ZNF536: variants seen among roughly 807,000 people sequenced by gnomAD.
ZNF536 encodes the protein zinc finger protein 536.
A neutral mutation model predicts 84.5 loss-of-function variants in ZNF536; 13 were observed. The ratio of observed to expected loss-of-function variants is 0.15; its 90% CI spans 0.10 to 0.24. The LOEUF (loss-of-function observed/expected upper bound fraction) is 0.24. Among genes scored for constraint, ZNF536 ranks in the 10% least tolerant of loss-of-function variants. The pLI, the probability that ZNF536 is intolerant of heterozygous loss-of-function variation, is 1.00. For synonymous variants in ZNF536, 811 were observed against 742.5 expected, an observed-to-expected ratio of 1.09 and a Z score of -1.50; for missense variants, 1,536 against 1,747.5, an observed-to-expected ratio of 0.88 and a Z score of 2.16.
intron 1 of ZNF536, among the ~76,000 whole-genome samples, chr19:30,611,441 T>C (rs1270709940): frequency 6.6e-6 from 1 of 152,216 alleles, no homozygotes; most frequent in Admixed American, 6.5e-5. Context: ...CTCTGTTCCA[T>C]TGATAAAGAC....
chr19:30,335,484 C>T (rs1385494307), intron 2 of ZNF536, among the ~76,000 whole-genome samples: 6 of 152,146 alleles, frequency 3.9e-5, no homozygotes, highest in Non-Finnish European at 5.9e-5. Flanking sequence ...ACGCCCACCC[C>T]TCTTCCCAGC....
intron 1 of ZNF536, among the ~76,000 whole-genome samples, chr19:30,407,339 C>A (rs2050301907): frequency 6.6e-6 from 1 of 152,128 alleles, no homozygotes; most frequent in Admixed American, 6.5e-5. Flanking sequence ...CATGATTTTC[C>A]TCTTCTCTCA....
intron 1 of ZNF536, among the ~76,000 whole-genome samples, chr19:30,269,345 G>A (rs1241319387): frequency 6.6e-6 from 1 of 152,172 alleles, no homozygotes; most frequent in Non-Finnish European, 1.5e-5. Context: ...CACTGGGCTG[G>A]TGCTCAACTG....
intron 1 of ZNF536, among the ~76,000 whole-genome samples, chr19:30,638,767 G>T (rs1259757552): frequency 6.6e-6 from 1 of 152,172 alleles, no homozygotes; most frequent in Non-Finnish European, 1.5e-5. Flanking sequence ...GTAGTCATGG[G>T]CCAGATTAGG....
intron 1 of ZNF536, among the ~76,000 whole-genome samples, chr19:30,265,357 C>G (rs1278976359): frequency 6.6e-6 from 1 of 152,194 alleles, no homozygotes; most frequent in East Asian, 1.9e-4. Context: ...CATCTTCCCC[C>G]ATGTGCTCTT....
At chr19:30,704,722 G>A (rs2052151028) in intron 1 of ZNF536, among the ~76,000 whole-genome samples, 1 of 151,780 alleles carries the variant, frequency 6.6e-6, no homozygotes, top group African/African-American at 2.4e-5. Context: ...TCACCTCTGG[G>A]ACTGCAGCGG....
intron 2 of ZNF536, among the ~76,000 whole-genome samples, chr19:30,508,405 T>G (rs2145467190): frequency 6.6e-6 from 1 of 152,300 alleles, no homozygotes; most frequent in Non-Finnish European, 1.5e-5. Flanking sequence ...TCCTTCATTC[T>G]TCAGTCCCAC....
intron 2 of ZNF536, among the ~76,000 whole-genome samples, chr19:30,458,450 T>TTTTTTG (rs1310836496): frequency 1.4e-5 from 2 of 141,048 alleles, no homozygotes; most frequent in East Asian, 4.1e-4. Flanking sequence ...TCCTGCTGTT[T>TTTTTTG]TTTTTTTTTT....
At chr19:30,603,330 T>C (rs903856843) in intron 1 of ZNF536, among the ~76,000 whole-genome samples, 2 of 152,206 alleles carry the variant, frequency 1.3e-5, no homozygotes, top group Non-Finnish European at 2.9e-5. Context: ...CAAATAGCAG[T>C]ATTTTGTGAT....
chr19:30,383,363 G>C (rs1455749382), intron 1 of ZNF536, among the ~76,000 whole-genome samples: 2 of 152,190 alleles, frequency 1.3e-5, no homozygotes, highest in South Asian at 2.1e-4. Context: ...CTGTATCCAG[G>C]AAGGTAGATC....
At chr19:30,316,599 G>A (rs1358017895) in intron 2 of ZNF536, among the ~76,000 whole-genome samples, 1 of 152,230 alleles carries the variant, frequency 6.6e-6, no homozygotes, top group Non-Finnish European at 1.5e-5. Flanking sequence ...AGGATGGATA[G>A]GGTAGGGGAG....
chr19:30,402,241 G>A (rs751049879), intron 1 of ZNF536, among the ~76,000 whole-genome samples: 11 of 151,672 alleles, frequency 7.3e-5, no homozygotes, highest in Admixed American at 4.6e-4. Flanking sequence ...ACCCTGTCTC[G>A]GTGCTTACTA....
intron 1 of ZNF536, among the ~76,000 whole-genome samples, chr19:30,651,878 T>C (rs2049721323): frequency 6.6e-6 from 1 of 152,218 alleles, no homozygotes; most frequent in Admixed American, 6.5e-5. Context: ...AAGCTTTGTG[T>C]GTGTGTGGCT....
At chr19:30,650,360 C>A (rs762593315) in intron 1 of ZNF536, among the ~76,000 whole-genome samples, 1 of 152,184 alleles carries the variant, frequency 6.6e-6, no homozygotes, top group Non-Finnish European at 1.5e-5. Context: ...GGGGCCATGA[C>A]GGTTTTCCTA....
At position 30,522,264 on chromosome 19, in the gene ZNF536, T is replaced by TATATATAC. The variant is rs1466986319; in HGVS notation, c.2171-12576_2171-12575insCATATATA. 1.7e-3 allele frequency among the ~76,000 whole-genome samples: 201 copies of TATATATAC among 119,724 alleles called. 5 individuals carry two copies. The highest frequency in any genetic ancestry group is 2.7e-3 in the Non-Finnish European group (137 of 50,750). 78.5% of individuals were successfully genotyped at this position (119,724 alleles called of 152,430 possible). A position where few individuals can be genotyped will look rare whatever the true frequency, so the allele number is the denominator to read the frequency against. Reference sequence around the variant, plus strand: ...ATTGGCAGAGCTGGATATATATACATATATATATACATATATATAATATAT... The same window carrying TATATATAC: ...ATTGGCAGAGCTGGATATATATACATATATATACATATATATACATATATATAATATAT... On this transcript the variant is annotated intron_variant, in intron 2 of 4. Transcript: ENST00000355537.
At chr19:30,540,101 G>A (rs1289778180) in intron 3 of ZNF536, among the ~76,000 whole-genome samples, 1 of 152,190 alleles carries the variant, frequency 6.6e-6, no homozygotes, top group Non-Finnish European at 1.5e-5. Context: ...GAATGGATCC[G>A]CACAGGGAAG....
chr19:30,579,009 A>G (rs926360333), intron 1 of ZNF536, among the ~76,000 whole-genome samples: 2 of 152,218 alleles, frequency 1.3e-5, no homozygotes, highest in African/African-American at 4.8e-5. Context: ...CATAGAAATA[A>G]TAATAGTATC....
At chr19:30,367,213 C>T (rs901930454) in intron 3 of ZNF536, among the ~76,000 whole-genome samples, 2 of 152,154 alleles carry the variant, frequency 1.3e-5, no homozygotes, top group Non-Finnish European at 1.5e-5. Flanking sequence ...TGGGACGTTC[C>T]GTGCTGTTCC....
intron 1 of ZNF536, among the ~76,000 whole-genome samples, chr19:30,677,004 T>A (rs1233944571): frequency 1.3e-5 from 2 of 152,174 alleles, no homozygotes; most frequent in Admixed American, 1.3e-4. Flanking sequence ...ACACACCCAG[T>A]CAAATATTGA....
Sources: gnomAD v4.1 joint callset for allele counts (sites outside exome capture counted in the v4.1 genomes callset) on GRCh38, gnomAD v4.1.1 for gene constraint, MANE v1.5 for transcripts, NCBI Gene and HGNC (gene_info 2026-07-23, HGNC 2026-07-21) for gene names.